The following CDC42SE2 variants were observed in gnomAD, a reference collection of about 807,000 sequenced individuals.
The protein encoded by CDC42SE2 is CDC42 small effector 2, also known as CDC42 small effector protein 2.
In CDC42SE2, 3 loss-of-function variants were observed where a neutral mutation model predicts 11.5. The observed-to-expected ratio is 0.26, with a 90% CI of 0.12 to 0.67. CDC42SE2 has a LOEUF of 0.67. Ranked by LOEUF, CDC42SE2 falls within the 30% of genes least tolerant of loss-of-function variation. The pLI is 0.80. For missense variants in CDC42SE2, 82 were observed against 106.8 expected (o/e 0.77, Z 1.02); for synonymous variants, 33 against 34.8 (o/e 0.95, Z 0.18).
the CDC42SE2 span, among the ~76,000 whole-genome samples, chr5:131,212,022 T>C: frequency 6.6e-6 from 1 of 151,806 alleles, no homozygotes; most frequent in Non-Finnish European, 1.5e-5. Context: ...CTCAAAAAAA[T>C]AAATAAAAAG....
At chr5:131,373,711 GA>G in intron 3 of CDC42SE2, among the ~76,000 whole-genome samples, 1 of 152,052 alleles carries the variant, frequency 6.6e-6, no homozygotes. Context: ...CAATAGGAAA[GA>G]ACTAAAAAAC....
chr5:131,312,891 C>T (rs955854228), intron 1 of CDC42SE2, among the ~76,000 whole-genome samples: 4 of 152,208 alleles, frequency 2.6e-5, no homozygotes, highest in Non-Finnish European at 4.4e-5. Flanking sequence ...ATGCAGAAAT[C>T]ACCCGTCTTC....
At chr5:131,326,018 A>G (rs1758294126) in intron 2 of CDC42SE2, among the ~76,000 whole-genome samples, 1 of 152,124 alleles carries the variant, frequency 6.6e-6, no homozygotes, top group Non-Finnish European at 1.5e-5. Context: ...TTGAATTTTC[A>G]TTACTGTTAA....
intron 3 of CDC42SE2, among the ~76,000 whole-genome samples, chr5:131,371,455 A>G (rs1293684106): frequency 6.6e-6 from 1 of 152,132 alleles, no homozygotes; most frequent in African/African-American, 2.4e-5. Context: ...GAACTTTCTT[A>G]TAGTTTCTTG....
rs575181697 is a variant in CDC42SE2 at position 131,289,627 on chromosome 5, C to T, written c.-455+25461C>T. ...GGCAGAGCTTGCAGTGAGCTGAGATCGCACCACTGCACTCCAGCCTGGGTG... is the reference window on the plus strand; with the variant it reads ...GGCAGAGCTTGCAGTGAGCTGAGATTGCACCACTGCACTCCAGCCTGGGTG... On this transcript the variant is annotated intron_variant, in intron 1 of 4. Coordinates refer to ENST00000505065, the MANE Select transcript of CDC42SE2 (RefSeq NM_001375635.1). Among the ~76,000 whole-genome samples the T allele has an allele frequency of 4.0e-5, 6 of 151,398 alleles. No homozygotes were observed. In the East Asian group the frequency reaches 9.7e-4, roughly 25 times the overall value.
chr5:131,258,678 TGTGCAATACATA>T (rs1346821902), intron 2 of CDC42SE2, among the ~76,000 whole-genome samples: 1 of 152,148 alleles, frequency 6.6e-6, no homozygotes, highest in Non-Finnish European at 1.5e-5. Flanking sequence ...CCACGAGAGG[TGTGCAATACATA>T]GTTTGGGAAA....
intron 2 of CDC42SE2, among the ~76,000 whole-genome samples, chr5:131,345,338 C>T (rs1030419707): frequency 1.3e-5 from 2 of 151,982 alleles, no homozygotes; most frequent in Non-Finnish European, 2.9e-5. Flanking sequence ...AACCATGGCA[C>T]AAGAACTACG....
chr5:131,368,851 T>G (rs1749935668), intron 3 of CDC42SE2, among the ~76,000 whole-genome samples: 2 of 152,336 alleles, frequency 1.3e-5, no homozygotes, highest in Middle Eastern at 3.4e-3. Flanking sequence ...ATAAGGACTC[T>G]TATTTAACAT....
chr5:131,283,071 G>C (rs1445979833), intron 1 of CDC42SE2, among the ~76,000 whole-genome samples: 1 of 151,732 alleles, frequency 6.6e-6, no homozygotes, highest in Non-Finnish European at 1.5e-5. Flanking sequence ...GGGATTACAG[G>C]CATGTGCCAC....
the CDC42SE2 span, among the ~76,000 whole-genome samples, chr5:131,213,483 C>G: frequency 6.6e-6 from 1 of 152,010 alleles, no homozygotes; most frequent in Non-Finnish European, 1.5e-5. Context: ...GGGCATTGCT[C>G]TATCACTCAG....
chr5:131,332,925 T>A (rs1332440613), intron 2 of CDC42SE2, among the ~76,000 whole-genome samples: 1 of 152,228 alleles, frequency 6.6e-6, no homozygotes, highest in East Asian at 1.9e-4. Context: ...GGTTGCCTGT[T>A]CACTCTGATG....
chr5:131,355,166 A>T (rs1254593293), intron 2 of CDC42SE2, among the ~76,000 whole-genome samples: 1 of 152,210 alleles, frequency 6.6e-6, no homozygotes, highest in Non-Finnish European at 1.5e-5. Context: ...TTCAACCTGT[A>T]TGCTCTTTAT....
the CDC42SE2 span, among the ~76,000 whole-genome samples, chr5:131,227,461 C>T: frequency 6.6e-6 from 1 of 151,820 alleles, no homozygotes. Flanking sequence ...GTGGTGAAAC[C>T]CCGTCTCTAC....
At chr5:131,365,778 C>T (rs938150530) in intron 3 of CDC42SE2, among the ~76,000 whole-genome samples, 2 of 152,104 alleles carry the variant, frequency 1.3e-5, no homozygotes, top group East Asian at 1.9e-4. Flanking sequence ...GTCAGAAGAT[C>T]GAGACCATCC....
At chr5:131,266,501 C>G (rs1354819828) in intron 1 of CDC42SE2, among the ~76,000 whole-genome samples, 1 of 150,444 alleles carries the variant, frequency 6.6e-6, no homozygotes, top group Admixed American at 6.6e-5. Context: ...GCTCTGTCAC[C>G]CAGGCTAGAG....
At chr5:131,219,964 T>C in the CDC42SE2 span, among the ~76,000 whole-genome samples, 9 of 150,916 alleles carry the variant, frequency 6.0e-5, no homozygotes, top group African/African-American at 2.0e-4. Context: ...AAGTTGTGGG[T>C]TGCCACAGCA....
intron 2 of CDC42SE2, among the ~76,000 whole-genome samples, chr5:131,351,415 C>T (rs1020421463): frequency 5.3e-5 from 8 of 152,096 alleles, no homozygotes; most frequent in African/African-American, 1.7e-4. Context: ...CCACCACGCC[C>T]AGCAAATTTT....
the CDC42SE2 span, among the ~76,000 whole-genome samples, chr5:131,210,675 G>A: frequency 3.3e-5 from 5 of 152,044 alleles, no homozygotes; most frequent in African/African-American, 1.2e-4. Flanking sequence ...CTTTATGATT[G>A]CTTGTAAGAT....
chr5:131,290,029 T>C (rs1178173283), intron 1 of CDC42SE2, among the ~76,000 whole-genome samples: 1 of 152,120 alleles, frequency 6.6e-6, no homozygotes, highest in Non-Finnish European at 1.5e-5. Context: ...TTTACTTTTG[T>C]AGAGACAGGG....
Sources: allele counts gnomAD v4.1 joint callset (sites outside exome capture counted in the v4.1 genomes callset), GRCh38; gene constraint gnomAD v4.1.1; transcripts MANE v1.5; gene names NCBI Gene and HGNC (gene_info 2026-07-23, HGNC 2026-07-21).